Variants in CDH12 observed in about 807,000 individuals in gnomAD.
CDH12 encodes cadherin 12, also known as cadherin-12.
CDH12 carries 41 observed loss-of-function variants against 74.1 expected under a neutral mutation model. The ratio of observed to expected loss-of-function variants is 0.55; its 90% CI spans 0.43 to 0.72. The LOEUF is 0.72. CDH12 is among the 30% of genes least tolerant of loss of function. The pLI is 0.00. For missense variants in CDH12, 945 were observed against 977.2 expected (o/e 0.97, Z 0.44); for synonymous variants, 399 against 355.0 (o/e 1.12, Z -1.39).
At chr5:22,707,124 C>T (rs1196099640) in intron 1 of CDH12, among the ~76,000 whole-genome samples, 1 of 152,176 alleles carries the variant, frequency 6.6e-6, no homozygotes, top group East Asian at 1.9e-4. Context: ...TCACACCCCA[C>T]CCACATTACA....
intron 1 of CDH12, among the ~76,000 whole-genome samples, chr5:22,661,381 A>G (rs1311844957): frequency 6.6e-6 from 1 of 152,176 alleles, no homozygotes; most frequent in Non-Finnish European, 1.5e-5. Context: ...ATAATTTAGC[A>G]GGAATTATTC....
At chr5:22,616,575 C>T (rs1459137039) in intron 1 of CDH12, among the ~76,000 whole-genome samples, 2 of 151,934 alleles carry the variant, frequency 1.3e-5, no homozygotes, top group African/African-American at 4.8e-5. Flanking sequence ...AAATTAAATA[C>T]ATACATACAC....
chr5:22,016,049 A>AT (rs942947419), intron 5 of CDH12, among the ~76,000 whole-genome samples: 2 of 151,786 alleles, frequency 1.3e-5, no homozygotes, highest in African/African-American at 4.9e-5. Flanking sequence ...TATAAAGTTG[A>AT]TTTTCTATTA....
At chr5:21,905,905 CTT>C (rs1244732990) in intron 6 of CDH12, among the ~76,000 whole-genome samples, 8 of 152,100 alleles carry the variant, frequency 5.3e-5, no homozygotes, top group African/African-American at 1.9e-4. Context: ...ATAGCAATAA[CTT>C]TCTTCTGTTT....
At chr5:22,830,805 A>C (rs1581043071) in intron 1 of CDH12, among the ~76,000 whole-genome samples, 1 of 151,718 alleles carries the variant, frequency 6.6e-6, no homozygotes, top group Non-Finnish European at 1.5e-5. Context: ...AGAGAAAGAA[A>C]ATTATTCACT....
In CDH12 at chr5:22,138,844, TAATA is replaced by T. The variant is rs1220074944; in HGVS notation, c.-186-59986_-186-59983del. Among the ~76,000 whole-genome samples the T allele has an allele frequency of 5.9e-4, 25 of 42,580 alleles. 1 individual carries two copies. The highest frequency in any genetic ancestry group is 2.2e-3 in the African/African-American group (24 of 11,088). The allele number at this position is 42,580 out of a possible 152,430, so 27.9% of individuals were successfully genotyped here. On this transcript the variant is annotated intron_variant, in intron 4 of 14. Transcript: ENST00000382254. ...GAATATATATGTGTACATATATACG[TAATA>T]TATATATATATATATATATATATAT...
At chr5:22,610,579 A>G (rs1456001030) in intron 1 of CDH12, among the ~76,000 whole-genome samples, 4 of 152,026 alleles carry the variant, frequency 2.6e-5, no homozygotes, top group Non-Finnish European at 1.5e-5. Context: ...ATTCAAGTGA[A>G]AAGAATAAAG....
At chr5:22,541,576 C>T (rs1738103001) in intron 1 of CDH12, among the ~76,000 whole-genome samples, 1 of 152,210 alleles carries the variant, frequency 6.6e-6, no homozygotes, top group African/African-American at 2.4e-5. Context: ...TAAGGTTATT[C>T]TTGGTATCCT....
intron 5 of CDH12, among the ~76,000 whole-genome samples, chr5:21,983,917 A>C (rs1482109981): frequency 6.6e-6 from 1 of 152,154 alleles, no homozygotes; most frequent in East Asian, 1.9e-4. Flanking sequence ...TCTTTTAAAA[A>C]TAATCATATT....
chr5:21,808,093 A>G (rs1368302592), intron 9 of CDH12, among the ~76,000 whole-genome samples: 1 of 152,122 alleles, frequency 6.6e-6, no homozygotes, highest in Non-Finnish European at 1.5e-5. Context: ...ACATTGTCAT[A>G]GGAGCCACAA....
At chr5:22,232,280 A>G (rs1580429673) in intron 3 of CDH12, among the ~76,000 whole-genome samples, 1 of 151,910 alleles carries the variant, frequency 6.6e-6, no homozygotes, top group East Asian at 1.9e-4. Flanking sequence ...CCTAAGAACG[A>G]TATGTAACAA....
At chr5:22,242,695 G>C (rs895423527) in intron 3 of CDH12, among the ~76,000 whole-genome samples, 2 of 152,030 alleles carry the variant, frequency 1.3e-5, no homozygotes, top group African/African-American at 4.8e-5. Flanking sequence ...TCTAGCAGAG[G>C]CATTATCCTT....
chr5:22,729,746 C>T (rs1447487548), intron 1 of CDH12, among the ~76,000 whole-genome samples: 20 of 151,854 alleles, frequency 1.3e-4, no homozygotes, highest in Non-Finnish European at 5.9e-5. Context: ...TTGTAGTTTT[C>T]TCTTCTTGTC....
chr5:21,859,853 G>A (rs1415476944), intron 6 of CDH12, among the ~76,000 whole-genome samples: 1 of 151,920 alleles, frequency 6.6e-6, no homozygotes, highest in Non-Finnish European at 1.5e-5. Context: ...TCACGATGGA[G>A]GTAAAGAAGA....
chr5:22,753,233 G>A (rs1035184114), intron 1 of CDH12, among the ~76,000 whole-genome samples: 1 of 151,914 alleles, frequency 6.6e-6, no homozygotes, highest in Non-Finnish European at 1.5e-5. Flanking sequence ...AATATATTGA[G>A]TGAGGTAGAA....
chr5:22,072,201 T>A (rs1207289884), intron 5 of CDH12, among the ~76,000 whole-genome samples: 1 of 152,048 alleles, frequency 6.6e-6, no homozygotes, highest in Non-Finnish European at 1.5e-5. Context: ...AAACGAGGCA[T>A]TTTATGGGTC....
chr5:22,831,361 G>GTGTGTGTC lies in CDH12; in HGVS notation c.-523+21696_-523+21697insGACACACA, dbSNP rs1474614966. Among the ~76,000 whole-genome samples, 257 of 138,408 alleles carry GTGTGTGTC rather than the reference G, an allele frequency of 1.9e-3. 1 individual carries two copies. The highest frequency in any genetic ancestry group is 0.017 in the South Asian group (69 of 4,054). 90.8% of individuals were successfully genotyped at this position (138,408 alleles called of 152,430 possible). A position where few individuals can be genotyped will look rare whatever the true frequency, so the allele number is the denominator to read the frequency against. On this transcript the variant is annotated intron_variant, in intron 1 of 14. Transcript: ENST00000382254. ...TAGGGGTTTTGGAGTTTGTGTGTGTGTGTGTGTGTCTGTGTGTGTGTGTGT... is the reference window on the plus strand; with the variant it reads ...TAGGGGTTTTGGAGTTTGTGTGTGTGTGTGTGTCTGTGTGTGTCTGTGTGTGTGTGTGT...
At chr5:21,939,498 A>T (rs1755235742) in intron 6 of CDH12, among the ~76,000 whole-genome samples, 1 of 152,010 alleles carries the variant, frequency 6.6e-6, no homozygotes, top group Admixed American at 6.5e-5. Context: ...TATTTAAAAA[A>T]TACTTAAACT....
intron 3 of CDH12, among the ~76,000 whole-genome samples, chr5:22,226,047 C>G (rs1054509868): frequency 6.6e-6 from 1 of 151,912 alleles, no homozygotes; most frequent in Non-Finnish European, 1.5e-5. Flanking sequence ...GCTAGACGCC[C>G]CCTTTAGCTA....
Sources: gnomAD v4.1 joint callset for allele counts (sites outside exome capture counted in the v4.1 genomes callset) on GRCh38, gnomAD v4.1.1 for gene constraint, MANE v1.5 for transcripts, NCBI Gene and HGNC (gene_info 2026-07-23, HGNC 2026-07-21) for gene names.